The following SGCG variants were observed in gnomAD, a reference collection of about 807,000 sequenced individuals.
SGCG encodes the protein sarcoglycan gamma.
SGCG carries 26 observed loss-of-function variants against 29.3 expected under a neutral mutation model. That is an observed-to-expected ratio of 0.89 (90% CI 0.65 to 1.23). The LOEUF (loss-of-function observed/expected upper bound fraction) is 1.23. Among genes scored for constraint, SGCG ranks in the 50% most tolerant of loss-of-function variants. The probability of loss-of-function intolerance (pLI) is 0.00; values close to 1 mark genes in which losing one functional copy is unlikely to be tolerated. For synonymous variants in SGCG, 145 were observed against 129.7 expected (o/e 1.12, Z -0.80); for missense variants, 353 against 356.0 (o/e 0.99, Z 0.07).
intron 2 of SGCG, among the ~76,000 whole-genome samples, chr13:23,233,331 T>C (rs1031702010): frequency 6.6e-6 from 1 of 152,162 alleles, no homozygotes; most frequent in African/African-American, 2.4e-5. Flanking sequence ...ATAAATATGA[T>C]ATGATTCCAC....
chr13:23,322,765 T>TCCCCCCCCCCCCCCCCCCCCCCC (rs1189871837), intron 7 of SGCG, among the ~76,000 whole-genome samples: 11 of 61,442 alleles, frequency 1.8e-4, no homozygotes, highest in Admixed American at 5.6e-4. Flanking sequence ...CCCCCACCCA[T>TCCCCCCCCCCCCCCCCCCCCCCC]CCACCTCCCC....
chr13:23,312,902 T>C (rs1882658356), intron 6 of SGCG, among the ~76,000 whole-genome samples: 1 of 152,232 alleles, frequency 6.6e-6, no homozygotes, highest in Non-Finnish European at 1.5e-5. Flanking sequence ...ATGTTCAGTT[T>C]AGTCTTAGTG....
chr13:23,178,368 A>G (rs906066998), upstream of SGCG, among the ~76,000 whole-genome samples: 5 of 152,158 alleles, frequency 3.3e-5, no homozygotes, highest in African/African-American at 1.2e-4. Flanking sequence ...GTCTTCTGTG[A>G]CATTCTGGGG....
intron 1 of SGCG, among the ~76,000 whole-genome samples, chr13:23,194,377 C>T (rs568954197): frequency 6.6e-6 from 1 of 152,014 alleles, no homozygotes; most frequent in Non-Finnish European, 1.5e-5. Context: ...AAACCCAAGT[C>T]GAAGAAGTTC....
intron 4 of SGCG, among the ~76,000 whole-genome samples, chr13:23,273,825 C>T (rs1466411055): frequency 6.6e-6 from 1 of 152,156 alleles, no homozygotes; most frequent in Non-Finnish European, 1.5e-5. Flanking sequence ...GTGCCCCGGG[C>T]ACTTGAGGAG....
chr13:23,237,980 G>A (rs1879375072), intron 3 of SGCG, among the ~76,000 whole-genome samples: 1 of 151,882 alleles, frequency 6.6e-6, no homozygotes, highest in South Asian at 2.1e-4. Flanking sequence ...AAATTACAGG[G>A]CAGAAATAAC....
chr13:23,322,728 T>C (rs1883081842), intron 7 of SGCG, among the ~76,000 whole-genome samples: 1 of 135,068 alleles, frequency 7.4e-6, no homozygotes, highest in Non-Finnish European at 1.5e-5. Context: ...GGCCCTATCA[T>C]CGCACCTGCG....
chr13:23,322,337 C>T (rs1481835906), intron 7 of SGCG, among the ~76,000 whole-genome samples: 1 of 152,194 alleles, frequency 6.6e-6, no homozygotes, highest in Non-Finnish European at 1.5e-5. Context: ...GGTCCAGTAG[C>T]AGCGAGCTGG....
intron 2 of SGCG, among the ~76,000 whole-genome samples, chr13:23,227,550 TG>T (rs1878949606): frequency 6.6e-6 from 1 of 152,158 alleles, no homozygotes; most frequent in Non-Finnish European, 1.5e-5. Flanking sequence ...TGTCCTTGAA[TG>T]GACAAACCGT....
At chr13:23,161,214 C>T in the SGCG span, among the ~76,000 whole-genome samples, 2 of 152,308 alleles carry the variant, frequency 1.3e-5, no homozygotes, top group African/African-American at 4.8e-5. Flanking sequence ...CCCTTATACT[C>T]ATTACCTCCA....
the SGCG span, among the ~76,000 whole-genome samples, chr13:23,171,948 G>A: frequency 6.6e-6 from 1 of 152,176 alleles, no homozygotes; most frequent in Non-Finnish European, 1.5e-5. Flanking sequence ...CAACACTGAG[G>A]ATGCTATTCA....
upstream of SGCG, among the ~76,000 whole-genome samples, chr13:23,178,387 C>T (rs1312178505): frequency 1.3e-5 from 2 of 152,042 alleles, no homozygotes; most frequent in African/African-American, 2.4e-5. Flanking sequence ...GGGATGGCAT[C>T]GTCAACCGAG....
At chr13:23,253,827 A>T (rs1566018478) in intron 4 of SGCG, among the ~76,000 whole-genome samples, 1 of 152,118 alleles carries the variant, frequency 6.6e-6, no homozygotes, top group Non-Finnish European at 1.5e-5. Flanking sequence ...TTCACATGAC[A>T]TCTGGTTGTT....
At chr13:23,250,090 A>G (rs190920903) in intron 3 of SGCG, among the ~76,000 whole-genome samples, 1 of 152,200 alleles carries the variant, frequency 6.6e-6, no homozygotes, top group Non-Finnish European at 1.5e-5. Context: ...CTTAAGCTAA[A>G]TGCTTAGTTT....
chr13:23,217,132 A>T (rs1878459727), intron 2 of SGCG, among the ~76,000 whole-genome samples: 1 of 152,168 alleles, frequency 6.6e-6, no homozygotes, highest in Non-Finnish European at 1.5e-5. Flanking sequence ...CAAATATTTC[A>T]TATGAGGAGA....
At chr13:23,210,613 C>T (rs570332604) in intron 2 of SGCG, among the ~76,000 whole-genome samples, 6 of 152,224 alleles carry the variant, frequency 3.9e-5, no homozygotes, top group South Asian at 2.1e-4. Context: ...ATGCGGTGAA[C>T]CCGGGAGGCG....
upstream of SGCG, among the ~76,000 whole-genome samples, chr13:23,180,796 T>C (rs1565989001): frequency 1.3e-5 from 2 of 152,222 alleles, no homozygotes; most frequent in Admixed American, 6.5e-5. Flanking sequence ...GTTTTTGGCA[T>C]GCGAAGAGCT....
At chr13:23,315,773 C>G (rs1026195183) in intron 6 of SGCG, among the ~76,000 whole-genome samples, 9 of 152,086 alleles carry the variant, frequency 5.9e-5, no homozygotes, top group Non-Finnish European at 1.0e-4. Flanking sequence ...TGGTCAGGGA[C>G]TTGGAAGAAG....
At chr13:23,247,802 T>G (rs1430594408) in intron 3 of SGCG, among the ~76,000 whole-genome samples, 1 of 104,336 alleles carries the variant, frequency 9.6e-6, no homozygotes, top group African/African-American at 3.5e-5. Context: ...AAAAAAAAAA[T>G]CAGCTGGGTG....
Sources: allele counts gnomAD v4.1 joint callset (sites outside exome capture counted in the v4.1 genomes callset), GRCh38; gene constraint gnomAD v4.1.1; transcripts MANE v1.5; gene names NCBI Gene and HGNC (gene_info 2026-07-23, HGNC 2026-07-21).